The following PLEKHA7 variants were observed in gnomAD, a reference collection of about 807,000 sequenced individuals.
PLEKHA7 encodes the protein pleckstrin homology domain containing A7, also known as pleckstrin homology domain-containing family A member 7.
A neutral mutation model predicts 170.0 loss-of-function variants in PLEKHA7; 104 were observed. That is an observed-to-expected ratio of 0.61 (90% CI 0.52 to 0.72). PLEKHA7 has a LOEUF of 0.72. PLEKHA7 is among the 30% of genes least tolerant of loss of function. The pLI, the probability that PLEKHA7 is intolerant of heterozygous loss-of-function variation, is 0.00. For synonymous variants in PLEKHA7, 648 were observed against 660.8 expected, an observed-to-expected ratio of 0.98 and a Z score of 0.30; for missense variants, 1,615 against 1,671.7, an observed-to-expected ratio of 0.97 and a Z score of 0.59.
At chr11:16,886,427 A>ATT (rs1478042609) in intron 3 of PLEKHA7, among the ~76,000 whole-genome samples, 1 of 152,152 alleles carries the variant, frequency 6.6e-6, no homozygotes, top group Non-Finnish European at 1.5e-5. Context: ...AAGGCACACA[A>ATT]TTGCTGGGCG....
intron 3 of PLEKHA7, among the ~76,000 whole-genome samples, chr11:16,924,778 C>T (rs1859377079): frequency 6.6e-6 from 1 of 152,226 alleles, no homozygotes; most frequent in Non-Finnish European, 1.5e-5. Context: ...ACCCACCAAT[C>T]TCATTTTCAG....
chr11:16,837,665 A>G (rs909740786), intron 9 of PLEKHA7, among the ~76,000 whole-genome samples: 1 of 152,222 alleles, frequency 6.6e-6, no homozygotes, highest in Non-Finnish European at 1.5e-5. Context: ...CAAAATTTCT[A>G]TTTATTAAAA....
At chr11:16,835,151 G>A (rs1392019612) in intron 9 of PLEKHA7, among the ~76,000 whole-genome samples, 1 of 152,132 alleles carries the variant, frequency 6.6e-6, no homozygotes, top group Admixed American at 6.5e-5. Flanking sequence ...CATGCCTGTA[G>A]TCCTAGCTAT....
chr11:16,839,476 T>C (rs1465390470), intron 9 of PLEKHA7, among the ~76,000 whole-genome samples: 2 of 150,212 alleles, frequency 1.3e-5, no homozygotes, highest in Non-Finnish European at 3.0e-5. Flanking sequence ...AATATATACA[T>C]ATATATACAC....
At chr11:16,925,927 A>C (rs7395923) in intron 3 of PLEKHA7, among the ~76,000 whole-genome samples, 138,135 of 152,262 alleles carry the variant, frequency 0.91, 63,188 homozygotes, top group Middle Eastern at 0.97. Flanking sequence ...GGGAGGGAAA[A>C]GGGCGGAGGG....
At chr11:16,977,864 G>T (rs1323901842) in intron 3 of PLEKHA7, among the ~76,000 whole-genome samples, 1 of 152,154 alleles carries the variant, frequency 6.6e-6, no homozygotes, top group African/African-American at 2.4e-5. Context: ...ATCCTTGTCT[G>T]TAAGATGAGG....
At chr11:16,856,311 C>T (rs1016158113) in intron 4 of PLEKHA7, among the ~76,000 whole-genome samples, 4 of 152,200 alleles carry the variant, frequency 2.6e-5, no homozygotes, top group Non-Finnish European at 4.4e-5. Context: ...CCTCCATTTC[C>T]CTGGCTCCCA....
intron 17 of PLEKHA7, among the ~76,000 whole-genome samples, chr11:16,798,661 A>G (rs2134343349): frequency 6.6e-6 from 1 of 152,366 alleles, no homozygotes; most frequent in Non-Finnish European, 1.5e-5. Flanking sequence ...GCTGACAAGG[A>G]TGTGAGCAAA....
At chr11:16,866,828 A>T (rs989612220) in intron 4 of PLEKHA7, among the ~76,000 whole-genome samples, 2 of 152,088 alleles carry the variant, frequency 1.3e-5, no homozygotes, top group African/African-American at 2.4e-5. Flanking sequence ...TCTTTCGTTT[A>T]TGCCTCTGAC....
intron 3 of PLEKHA7, among the ~76,000 whole-genome samples, chr11:16,908,609 C>A (rs1396394683): frequency 6.6e-6 from 1 of 151,984 alleles, no homozygotes; most frequent in Non-Finnish European, 1.5e-5. Flanking sequence ...GATTCTCCTG[C>A]CTCAGCCTCC....
chr11:16,875,893 C>T (rs910541780), intron 3 of PLEKHA7, among the ~76,000 whole-genome samples: 1 of 152,172 alleles, frequency 6.6e-6, no homozygotes, highest in African/African-American at 2.4e-5. Context: ...GGTATCACCA[C>T]ACCAGGCTCC....
chr11:16,816,331 GC>G, intron 11 of PLEKHA7, 67 bp from the exon 12 acceptor site: 1 of 1,135,156 alleles, frequency 8.8e-7, no homozygotes, highest in Non-Finnish European at 1.3e-6. Flanking sequence ...CAGGGAAGCC[GC>G]CCCATGCCAT....
intron 3 of PLEKHA7, among the ~76,000 whole-genome samples, chr11:16,933,869 C>T (rs571385005): frequency 6.6e-6 from 1 of 152,170 alleles, no homozygotes; most frequent in African/African-American, 2.4e-5. Context: ...AGAGCCAAAT[C>T]GCAGCACAAG....
At chr11:16,981,908 G>C (rs1163284578) in intron 3 of PLEKHA7, among the ~76,000 whole-genome samples, 7 of 152,100 alleles carry the variant, frequency 4.6e-5, no homozygotes, top group Non-Finnish European at 5.9e-5. Flanking sequence ...CCTCCCCGAA[G>C]GCACCAGAAA....
At chr11:16,869,915 AC>A (rs766364969) in intron 4 of PLEKHA7, among the ~76,000 whole-genome samples, 18 of 152,352 alleles carry the variant, frequency 1.2e-4, no homozygotes, top group Non-Finnish European at 2.1e-4. Context: ...GAAGAAAAAA[AC>A]CTTTAAAGCT....
At chr11:16,946,850 G>A (rs1015992379) in intron 3 of PLEKHA7, among the ~76,000 whole-genome samples, 7 of 151,968 alleles carry the variant, frequency 4.6e-5, no homozygotes, top group Non-Finnish European at 1.0e-4. Context: ...ATTCTGCTCG[G>A]TAAGGTATTT....
At chr11:16,931,672 T>C (rs185376499) in intron 3 of PLEKHA7, among the ~76,000 whole-genome samples, 1 of 151,604 alleles carries the variant, frequency 6.6e-6, no homozygotes, top group East Asian at 1.9e-4. Flanking sequence ...TGAGAATGCC[T>C]TGAACCCAGG....
intron 3 of PLEKHA7, among the ~76,000 whole-genome samples, chr11:16,952,297 G>C: frequency 6.6e-6 from 1 of 152,184 alleles, no homozygotes; most frequent in East Asian, 1.9e-4. Context: ...AGGGGAAAGG[G>C]AGGTGATCCT....
At chr11:16,856,909 C>T (rs1853506138) in intron 4 of PLEKHA7, among the ~76,000 whole-genome samples, 1 of 152,164 alleles carries the variant, frequency 6.6e-6, no homozygotes, top group Admixed American at 6.5e-5. Context: ...CCAAGCAGAT[C>T]ACAGAAAACT....
Sources: allele counts gnomAD v4.1 joint callset (sites outside exome capture counted in the v4.1 genomes callset), GRCh38; gene constraint gnomAD v4.1.1; transcripts MANE v1.5; gene names NCBI Gene and HGNC (gene_info 2026-07-23, HGNC 2026-07-21).